KCNIP4: variants seen among roughly 807,000 people sequenced by gnomAD.
KCNIP4 encodes Kv channel-interacting protein 4.
In KCNIP4, 12 loss-of-function variants were observed where a neutral mutation model predicts 34.0. The ratio of observed to expected loss-of-function variants is 0.35; its 90% confidence interval spans 0.23 to 0.57. KCNIP4 has a LOEUF of 0.57. Ranked by LOEUF, KCNIP4 falls within the 20% of genes least tolerant of loss-of-function variation. The pLI is 0.83. For synonymous variants in KCNIP4, 124 were observed against 102.2 expected (o/e 1.21, Z -1.29); for missense variants, 238 against 311.7 (o/e 0.76, Z 1.78).
intron 1 of KCNIP4, among the ~76,000 whole-genome samples, chr4:21,300,501 A>T (rs1408694569): frequency 1.3e-5 from 2 of 152,196 alleles, no homozygotes; most frequent in Non-Finnish European, 2.9e-5. Flanking sequence ...AAGAAAATGT[A>T]ATAAATATTA....
At chr4:21,204,209 A>G (rs1240581849) in intron 1 of KCNIP4, among the ~76,000 whole-genome samples, 4 of 151,758 alleles carry the variant, frequency 2.6e-5, no homozygotes, top group Middle Eastern at 3.4e-3. Flanking sequence ...TCTTTAATGC[A>G]TGTGCTTAGT....
chr4:21,435,073 G>A (rs1413826131), intron 1 of KCNIP4, among the ~76,000 whole-genome samples: 1 of 152,142 alleles, frequency 6.6e-6, no homozygotes, highest in Non-Finnish European at 1.5e-5. Context: ...CAGCATCATT[G>A]AAAACAGGGG....
At chr4:21,202,644 G>A (rs1756572013) in intron 1 of KCNIP4, among the ~76,000 whole-genome samples, 2 of 152,190 alleles carry the variant, frequency 1.3e-5, no homozygotes, top group South Asian at 4.1e-4. Flanking sequence ...CAAGGCCCCA[G>A]AGCAGTGACA....
intron 3 of KCNIP4, among the ~76,000 whole-genome samples, chr4:20,814,441 C>G (rs756794013): frequency 1.3e-5 from 2 of 152,166 alleles, no homozygotes; most frequent in Non-Finnish European, 2.9e-5. Flanking sequence ...TACCAGGGAG[C>G]ATTGCCTTAG....
intron 3 of KCNIP4, among the ~76,000 whole-genome samples, chr4:20,800,698 T>A (rs545364204): frequency 1.3e-5 from 2 of 152,274 alleles, no homozygotes; most frequent in Admixed American, 1.3e-4. Flanking sequence ...TTCTGTGAAC[T>A]TGAAGATAGG....
chr4:21,805,023 G>T (rs553931415), intron 1 of KCNIP4, among the ~76,000 whole-genome samples: 1 of 152,340 alleles, frequency 6.6e-6, no homozygotes, highest in African/African-American at 2.4e-5. Context: ...AAGAGGTAGA[G>T]ATTAGGATCT....
At chr4:20,787,653 A>G (rs1048992878) in intron 3 of KCNIP4, among the ~76,000 whole-genome samples, 1 of 152,134 alleles carries the variant, frequency 6.6e-6, no homozygotes, top group Non-Finnish European at 1.5e-5. Context: ...TTCTTATTCA[A>G]TCAATAACCA....
chr4:20,764,681 GAC>G lies in KCNIP4; in HGVS notation c.289-5793_289-5792del, dbSNP rs5856578. On this transcript the variant is annotated intron_variant, in intron 3 of 8. Transcript: ENST00000382152. Reference sequence around the variant, plus strand: ...ACCGACTAGAATCACATGGGAATTGGACACACACACACACACACACACACACA... The same window carrying G: ...ACCGACTAGAATCACATGGGAATTGGACACACACACACACACACACACACA... Among the ~76,000 whole-genome samples, 1,021 of 147,124 alleles carry G rather than the reference GAC, an allele frequency of 6.9e-3. 4 individuals are homozygous for G. Among genetic ancestry groups the G allele is most frequent in the Non-Finnish European group, 0.011 (729 of 67,034 alleles).
At chr4:21,232,177 G>A (rs1213579246) in intron 1 of KCNIP4, among the ~76,000 whole-genome samples, 1 of 152,044 alleles carries the variant, frequency 6.6e-6, no homozygotes, top group Admixed American at 6.6e-5. Flanking sequence ...GTAAGCACAG[G>A]TACAAATTCC....
intron 3 of KCNIP4, among the ~76,000 whole-genome samples, chr4:20,784,392 G>T (rs1198684314): frequency 6.6e-6 from 1 of 152,108 alleles, no homozygotes; most frequent in African/African-American, 2.4e-5. Context: ...AGTCTATGAA[G>T]ACAAAAATTA....
intron 1 of KCNIP4, among the ~76,000 whole-genome samples, chr4:21,204,081 G>A (rs1317474425): frequency 2.6e-5 from 4 of 152,150 alleles, no homozygotes; most frequent in Admixed American, 1.3e-4. Flanking sequence ...TGCCCCAGTC[G>A]GTACTTGATG....
chr4:21,326,250 A>T (rs1222115439), intron 1 of KCNIP4, among the ~76,000 whole-genome samples: 3 of 151,538 alleles, frequency 2.0e-5, no homozygotes, highest in Non-Finnish European at 4.4e-5. Flanking sequence ...CTCTAATAAC[A>T]GTTGCTTTAT....
At chr4:20,855,516 A>G (rs1279870107) in intron 2 of KCNIP4, among the ~76,000 whole-genome samples, 2 of 152,132 alleles carry the variant, frequency 1.3e-5, no homozygotes, top group Admixed American at 6.6e-5. Flanking sequence ...TTTTGACACT[A>G]ATATTGCTGC....
intron 1 of KCNIP4, among the ~76,000 whole-genome samples, chr4:21,403,068 T>C (rs977764416): frequency 2.0e-5 from 3 of 152,204 alleles, no homozygotes; most frequent in African/African-American, 7.2e-5. Context: ...ACTTATCTTA[T>C]TGAACTGATC....
chr4:21,823,456 G>T (rs2109294056), intron 1 of KCNIP4, among the ~76,000 whole-genome samples: 1 of 151,152 alleles, frequency 6.6e-6, no homozygotes, highest in Admixed American at 6.6e-5. Context: ...GCTTTCAACA[G>T]CTGCATTCTC....
At chr4:21,015,049 T>A (rs377024140) in intron 1 of KCNIP4, among the ~76,000 whole-genome samples, 2 of 152,124 alleles carry the variant, frequency 1.3e-5, no homozygotes, top group South Asian at 2.1e-4. Flanking sequence ...TTTCTCAGAT[T>A]ACACATATTT....
At chr4:21,398,990 A>G (rs190945099) in intron 1 of KCNIP4, among the ~76,000 whole-genome samples, 10 of 152,332 alleles carry the variant, frequency 6.6e-5, no homozygotes, top group Admixed American at 6.5e-4. Context: ...TCTCTTTCAA[A>G]ATCTGTTTAA....
intron 1 of KCNIP4, among the ~76,000 whole-genome samples, chr4:21,694,928 A>C (rs10015895): frequency 1.6e-5 from 2 of 122,896 alleles, no homozygotes; most frequent in Non-Finnish European, 3.6e-5. Context: ...AAAAAAAAAA[A>C]AATAAAAATA....
In KCNIP4 at chr4:21,827,698, G is replaced by A. The variant is rs147138056; in HGVS notation, c.61+120873C>T. 4.0e-3 allele frequency among the ~76,000 whole-genome samples: 611 copies of A among 151,968 alleles called. 4 individuals carry two copies. Among genetic ancestry groups the A allele is most frequent in the African/African-American group, 0.014 (581 of 41,516 alleles). ...AAAAAATAAGATAACAAGCAAATTC[G>A]CTGGTTTTGAATTTGGCACTTGGTT... On this transcript the variant is annotated intron_variant, in intron 1 of 8. Coordinates refer to ENST00000382152, the MANE Select transcript of KCNIP4 (RefSeq NM_025221.6).
Sources: gnomAD v4.1 joint callset for allele counts (sites outside exome capture counted in the v4.1 genomes callset) on GRCh38, gnomAD v4.1.1 for gene constraint, MANE v1.5 for transcripts, NCBI Gene and HGNC (gene_info 2026-07-23, HGNC 2026-07-21) for gene names.